The following NRG3 variants were observed in gnomAD, a reference collection of about 807,000 sequenced individuals.
NRG3 encodes neuregulin 3.
In NRG3, 31 loss-of-function variants were observed where a neutral mutation model predicts 66.9. That is an observed-to-expected ratio of 0.46 (90% CI 0.35 to 0.63). The LOEUF (loss-of-function observed/expected upper bound fraction) is 0.63, where lower values mean the gene tolerates loss of function less well. Among genes scored for constraint, NRG3 ranks in the 20% least tolerant of loss-of-function variants. The pLI is 0.00. For missense variants in NRG3, 910 were observed against 878.9 expected (o/e 1.04, Z -0.45); for synonymous variants, 393 against 359.4 (o/e 1.09, Z -1.06).
intron 2 of NRG3, among the ~76,000 whole-genome samples, chr10:82,580,216 GT>G (rs1470527449): frequency 2.6e-5 from 4 of 151,758 alleles, no homozygotes; most frequent in Admixed American, 6.6e-5. Flanking sequence ...ACTGCATCAT[GT>G]TTACTTTTTA....
chr10:82,260,575 G>C (rs2077974564), intron 1 of NRG3, among the ~76,000 whole-genome samples: 1 of 152,168 alleles, frequency 6.6e-6, no homozygotes, highest in Admixed American at 6.6e-5. Context: ...ATTTGCAGTG[G>C]GAATATGTCA....
intron 1 of NRG3, among the ~76,000 whole-genome samples, chr10:81,982,506 T>A (rs545750227): frequency 5.9e-5 from 9 of 152,276 alleles, no homozygotes; most frequent in Non-Finnish European, 1.3e-4. Flanking sequence ...TCTGTATTAG[T>A]TTTCTGGGGC....
At chr10:82,034,523 C>A (rs374190347) in intron 1 of NRG3, among the ~76,000 whole-genome samples, 7 of 152,032 alleles carry the variant, frequency 4.6e-5, no homozygotes, top group African/African-American at 1.7e-4. Flanking sequence ...CTTTCTATTT[C>A]ATTTTCCTTA....
chr10:82,636,337 C>A (rs1391395685), intron 2 of NRG3, among the ~76,000 whole-genome samples: 1 of 151,870 alleles, frequency 6.6e-6, no homozygotes, highest in Non-Finnish European at 1.5e-5. Flanking sequence ...TAATGACACT[C>A]CACATCTTGG....
At chr10:82,641,897 G>C (rs1401465359) in intron 2 of NRG3, among the ~76,000 whole-genome samples, 1 of 152,152 alleles carries the variant, frequency 6.6e-6, no homozygotes, top group African/African-American at 2.4e-5. Flanking sequence ...GATAGATCAT[G>C]TAGTGGCAAA....
chr10:82,545,569 G>A (rs957630780), intron 2 of NRG3, among the ~76,000 whole-genome samples: 6 of 151,582 alleles, frequency 4.0e-5, no homozygotes, highest in African/African-American at 1.5e-4. Context: ...TTTTAGTAGA[G>A]ATGGGGTTTC....
chr10:81,885,154 C>G (rs887966319), intron 1 of NRG3, among the ~76,000 whole-genome samples: 5 of 152,128 alleles, frequency 3.3e-5, no homozygotes, highest in African/African-American at 1.2e-4. Context: ...TTCAATGTAA[C>G]AATGACAGAA....
chr10:82,656,601 CT>C (rs2051883388), intron 2 of NRG3, among the ~76,000 whole-genome samples: 1 of 152,066 alleles, frequency 6.6e-6, no homozygotes, highest in African/African-American at 2.4e-5. Context: ...TTCCCATTCT[CT>C]TTTGCTGCAA....
chr10:82,858,434 G>A (rs2063928262), intron 3 of NRG3, among the ~76,000 whole-genome samples: 1 of 152,128 alleles, frequency 6.6e-6, no homozygotes, highest in South Asian at 2.1e-4. Context: ...CTCGGAGCAA[G>A]AACACACGGA....
intron 2 of NRG3, among the ~76,000 whole-genome samples, chr10:82,635,502 G>T (rs968446102): frequency 3.9e-5 from 6 of 152,086 alleles, no homozygotes; most frequent in Non-Finnish European, 5.9e-5. Flanking sequence ...TCTTCTGTTG[G>T]GCTGGGGGAG....
intron 2 of NRG3, among the ~76,000 whole-genome samples, chr10:82,684,140 A>C (rs565452946): frequency 2.1e-4 from 32 of 152,366 alleles, no homozygotes; most frequent in African/African-American, 7.7e-4. Flanking sequence ...ACAAGGATAC[A>C]TTTTAATAAT....
intron 1 of NRG3, among the ~76,000 whole-genome samples, chr10:82,259,604 G>A (rs2077913213): frequency 6.6e-6 from 1 of 152,116 alleles, no homozygotes; most frequent in African/African-American, 2.4e-5. Context: ...GAACAACTAG[G>A]ATGGAGTTTG....
At chr10:82,597,336 C>A (rs945568008) in intron 2 of NRG3, among the ~76,000 whole-genome samples, 1 of 152,208 alleles carries the variant, frequency 6.6e-6, no homozygotes, top group Non-Finnish European at 1.5e-5. Flanking sequence ...AGAACAAATG[C>A]AGAATTTCAG....
At chr10:82,012,352 C>A (rs892144138) in intron 1 of NRG3, among the ~76,000 whole-genome samples, 5 of 151,620 alleles carry the variant, frequency 3.3e-5, no homozygotes, top group Admixed American at 3.3e-4. Context: ...GCCCATGAAA[C>A]CATTTTTTCT....
At chr10:82,966,699 C>T (rs1441142331) in intron 6 of NRG3, among the ~76,000 whole-genome samples, 1 of 152,108 alleles carries the variant, frequency 6.6e-6, no homozygotes, top group African/African-American at 2.4e-5. Flanking sequence ...GGGATTCTAT[C>T]ACAAAGGGGT....
At chr10:82,272,299 G>A (rs2078638876) in intron 1 of NRG3, among the ~76,000 whole-genome samples, 1 of 152,012 alleles carries the variant, frequency 6.6e-6, no homozygotes, top group African/African-American at 2.4e-5. Flanking sequence ...ACTGAAAGAA[G>A]GGCCAGTTGG....
Position 82,985,297 on chromosome 10 carries a change from G to C in NRG3, c.1783G>C (p.Val595Leu). The C allele has an allele frequency of 6.2e-7, 1 of 1,614,148 alleles. No individual in the cohort carries two copies. The highest frequency in any genetic ancestry group is 8.5e-7 in the Non-Finnish European group (1 of 1,180,010). ...CCTGCAAATGCCAGGGATTTCTGAAGTCAAAAGCATCAAATGGTGCAAAAA... is the reference window on the plus strand; with the variant it reads ...CCTGCAAATGCCAGGGATTTCTGAACTCAAAAGCATCAAATGGTGCAAAAA... ...TCLQMPGISE[V>L]KSIKWCKNSY... The change falls in exon 9 of 9, where the codon GTC becomes CTC. Residue 595 changes from valine (V) to leucine (L), a missense_variant. Physicochemically the swap from Val to Leu is conservative, Grantham distance 32. Coordinates refer to ENST00000372141, the MANE Select transcript of NRG3 (RefSeq NM_001010848.4).
At chr10:82,277,108 C>T (rs2078892013) in intron 1 of NRG3, among the ~76,000 whole-genome samples, 2 of 152,018 alleles carry the variant, frequency 1.3e-5, no homozygotes, top group Admixed American at 1.3e-4. Flanking sequence ...TCATGTCAGG[C>T]TGCTTCTTTC....
chr10:82,145,667 G>C (rs570245943), intron 1 of NRG3, among the ~76,000 whole-genome samples: 2 of 152,118 alleles, frequency 1.3e-5, no homozygotes, highest in Non-Finnish European at 2.9e-5. Context: ...TAATTGCTTC[G>C]TTAATACTGC....
Sources: gnomAD v4.1 joint callset for allele counts (sites outside exome capture counted in the v4.1 genomes callset) on GRCh38, gnomAD v4.1.1 for gene constraint, MANE v1.5 for transcripts, NCBI Gene and HGNC (gene_info 2026-07-23, HGNC 2026-07-21) for gene names.